Variants in DIAPH3 observed in about 807,000 individuals in gnomAD.
DIAPH3 encodes the protein protein diaphanous homolog 3.
DIAPH3 carries 117 observed loss-of-function variants against 144.3 expected under a neutral mutation model. The observed-to-expected ratio is 0.81, with a 90% confidence interval of 0.70 to 0.95. DIAPH3 has a LOEUF of 0.95. Ranked by LOEUF, DIAPH3 falls within the 40% of genes least tolerant of loss-of-function variation. DIAPH3 has a pLI of 0.00. For synonymous variants in DIAPH3, 519 were observed against 488.9 expected, an observed-to-expected ratio of 1.06 and a Z score of -0.81; for missense variants, 1,421 against 1,412.7, an observed-to-expected ratio of 1.01 and a Z score of -0.09.
At chr13:59,832,226 G>T (rs1322986473) in intron 24 of DIAPH3, among the ~76,000 whole-genome samples, 1 of 151,700 alleles carries the variant, frequency 6.6e-6, no homozygotes, top group Non-Finnish European at 1.5e-5. Context: ...GTGACCAAAT[G>T]TGTATTTTTC....
chr13:59,969,808 A>G, intron 17 of DIAPH3, 136 bp downstream of exon 17: 1 of 493,474 alleles, frequency 2.0e-6, no homozygotes, highest in Non-Finnish European at 3.6e-6. Context: ...TCATTATACC[A>G]TTTATTTGCC....
chr13:59,922,729 T>C (rs1200403777), intron 18 of DIAPH3, among the ~76,000 whole-genome samples: 1 of 152,066 alleles, frequency 6.6e-6, no homozygotes, highest in African/African-American at 2.4e-5. Flanking sequence ...TACATCATAA[T>C]ATGACATGGT....
chr13:60,099,717 C>T (rs1037167169), intron 3 of DIAPH3, among the ~76,000 whole-genome samples: 2 of 152,088 alleles, frequency 1.3e-5, no homozygotes, highest in African/African-American at 2.4e-5. Flanking sequence ...TTCCCTTTGG[C>T]CAATTACTTT....
At chr13:59,975,123 A>T (rs1323529231) in intron 14 of DIAPH3, among the ~76,000 whole-genome samples, 1 of 151,990 alleles carries the variant, frequency 6.6e-6, no homozygotes, top group Non-Finnish European at 1.5e-5. Flanking sequence ...CTTGCATTCA[A>T]ACACATTCAA....
intron 9 of DIAPH3, among the ~76,000 whole-genome samples, chr13:60,001,120 A>C (rs1412420732): frequency 6.6e-6 from 1 of 152,212 alleles, no homozygotes; most frequent in Non-Finnish European, 1.5e-5. Flanking sequence ...GGAAAACAGC[A>C]TATCTCTCCA....
intron 26 of DIAPH3, 68 bp from the exon 27 acceptor site, chr13:59,774,316 T>A (rs2038280285): frequency 7.6e-7 from 1 of 1,309,360 alleles, no homozygotes; most frequent in Admixed American, 2.0e-5. Flanking sequence ...AAAACAGTAT[T>A]AGACATACTT....
At chr13:60,032,046 C>T (rs768224601) in intron 5 of DIAPH3, among the ~76,000 whole-genome samples, 22 of 152,138 alleles carry the variant, frequency 1.4e-4, no homozygotes, top group Non-Finnish European at 2.6e-4. Flanking sequence ...AATGTTAAAG[C>T]TCCAAAATAA....
chr13:59,905,915 G>T (rs894448936), intron 20 of DIAPH3, among the ~76,000 whole-genome samples: 1 of 152,214 alleles, frequency 6.6e-6, no homozygotes, highest in African/African-American at 2.4e-5. Flanking sequence ...CTCCAGAATT[G>T]TAAGATCATA....
chr13:59,677,098 A>T (rs775356032), intron 27 of DIAPH3, among the ~76,000 whole-genome samples: 2 of 152,112 alleles, frequency 1.3e-5, no homozygotes, highest in Non-Finnish European at 2.9e-5. Context: ...CCCAAGCCCT[A>T]GCACAGTGCC....
intron 5 of DIAPH3, among the ~76,000 whole-genome samples, chr13:60,027,226 A>G (rs1315708642): frequency 6.6e-6 from 1 of 152,240 alleles, no homozygotes; most frequent in East Asian, 1.9e-4. Flanking sequence ...ATACACCTAC[A>G]TGCCATTCAA....
At chr13:59,684,671 C>A (rs990517101) in intron 27 of DIAPH3, among the ~76,000 whole-genome samples, 1 of 152,130 alleles carries the variant, frequency 6.6e-6, no homozygotes, top group African/African-American at 2.4e-5. Flanking sequence ...ATGGTTACAG[C>A]AGATAGATCA....
At chr13:59,934,196 T>C (rs1409113974) in intron 17 of DIAPH3, among the ~76,000 whole-genome samples, 1 of 152,170 alleles carries the variant, frequency 6.6e-6, no homozygotes, top group Non-Finnish European at 1.5e-5. Context: ...AATAAGTGTT[T>C]ACTCTGCTTT....
chr13:59,861,090 C>T (rs1039607622), intron 22 of DIAPH3, among the ~76,000 whole-genome samples: 1 of 152,142 alleles, frequency 6.6e-6, no homozygotes, highest in Non-Finnish European at 1.5e-5. Flanking sequence ...GACATTGAAT[C>T]AAGAGAGCAT....
chr13:59,667,302 G>T (rs1315122314), intron 27 of DIAPH3, among the ~76,000 whole-genome samples: 2 of 152,170 alleles, frequency 1.3e-5, no homozygotes, highest in Non-Finnish European at 2.9e-5. Context: ...CTTGTCCATT[G>T]TCTGTCTTAC....
At chr13:59,830,318 A>G (rs898431490) in intron 24 of DIAPH3, among the ~76,000 whole-genome samples, 7 of 151,858 alleles carry the variant, frequency 4.6e-5, no homozygotes, top group Non-Finnish European at 8.8e-5. Flanking sequence ...GAAAAATAGA[A>G]GAGAATAAAG....
intron 4 of DIAPH3, among the ~76,000 whole-genome samples, chr13:60,056,995 G>C (rs2056584256): frequency 6.6e-6 from 1 of 151,766 alleles, no homozygotes; most frequent in Admixed American, 6.6e-5. Flanking sequence ...CTAAGAACTT[G>C]AACAAGGCAA....
chr13:60,104,672 C>A (rs79786161), intron 3 of DIAPH3, among the ~76,000 whole-genome samples: 5,606 of 151,816 alleles, frequency 0.037, 136 homozygotes, highest in East Asian at 0.075. Context: ...AAGAAGAGAG[C>A]TGAATATTCA....
chr13:60,064,873 C>T (rs2818946), intron 4 of DIAPH3, among the ~76,000 whole-genome samples: 98,027 of 151,346 alleles, frequency 0.65, 32,319 homozygotes, highest in African/African-American at 0.73. Flanking sequence ...CTTCCTTTCA[C>T]TGAACACTTA....
chr13:59,894,368 C>T (rs565411392), intron 20 of DIAPH3, among the ~76,000 whole-genome samples: 7 of 151,962 alleles, frequency 4.6e-5, no homozygotes, highest in South Asian at 2.1e-4. Context: ...CAGAAACCTG[C>T]GTTTTAGGAA....
Sources: gnomAD v4.1 joint callset for allele counts (sites outside exome capture counted in the v4.1 genomes callset) on GRCh38, gnomAD v4.1.1 for gene constraint, MANE v1.5 for transcripts, NCBI Gene and HGNC (gene_info 2026-07-23, HGNC 2026-07-21) for gene names.